Variants in TDRD9 observed in about 807,000 individuals in gnomAD.
The protein encoded by TDRD9 is tudor domain containing 9, also known as ATP-dependent RNA helicase TDRD9.
Under a neutral mutation model 172.6 loss-of-function variants are expected in TDRD9, and 124 were observed. The observed-to-expected ratio is 0.72, with a 90% confidence interval of 0.62 to 0.83. The LOEUF is 0.83. Ranked by LOEUF, TDRD9 falls within the 40% of genes least tolerant of loss-of-function variation. TDRD9 has a pLI of 0.00. For synonymous variants in TDRD9, 619 were observed against 617.1 expected (o/e 1.00, Z -0.05); for missense variants, 1,479 against 1,714.1 (o/e 0.86, Z 2.42).
At position 104,006,767 on chromosome 14, in the gene TDRD9, GT is replaced by G. The variant is rs1165172353; in HGVS notation, c.1944-13del. On this transcript the variant is annotated splice_polypyrimidine_tract_variant and intron_variant, in intron 17 of 35. Coordinates refer to ENST00000409874, the MANE Select transcript of TDRD9 (RefSeq NM_153046.3). ...TATTTTAATGGTATTGAATGACACT[GT>G]TATCTGTTTATAGGAACAAAGTGAA... The G allele has an allele frequency of 1.2e-6, 2 of 1,613,248 alleles. No individual in the cohort carries two copies. The highest frequency in any genetic ancestry group is 2.7e-5 in the African/African-American group (2 of 74,912).
chr14:103,970,901 A>G (rs2032993044), intron 6 of TDRD9, among the ~76,000 whole-genome samples: 1 of 152,256 alleles, frequency 6.6e-6, no homozygotes, highest in African/African-American at 2.4e-5. Flanking sequence ...CTATTTTTTA[A>G]ATTTGTATTT....
Position 103,998,736 on chromosome 14 carries a change from AT to A in TDRD9, c.1483+11del, listed in dbSNP as rs2034147632. The A allele has an allele frequency of 6.9e-7, 1 of 1,440,714 alleles. No individual in the cohort carries two copies. Among genetic ancestry groups the A allele is most frequent in the South Asian group, 1.2e-5 (1 of 86,886 alleles). 89.2% of individuals were successfully genotyped at this position (1,440,714 alleles called of 1,614,324 possible). ...GCTGTAATCAGAGAAAAGGTAAGAC[AT>A]TTGTGTTAAAGCACAATAATGAGTC... is the stretch of plus-strand genomic sequence containing the variant. On this transcript the variant is annotated intron_variant, in intron 13 of 35. Transcript: ENST00000409874.
chr14:103,960,759 C>A (rs78917841), intron 2 of TDRD9, among the ~76,000 whole-genome samples: 3,528 of 152,212 alleles, frequency 0.023, 78 homozygotes, highest in East Asian at 0.071. Context: ...TAGACAGTAC[C>A]GTTAGGACTT....
chr14:103,983,466 C>T (rs978055617), intron 7 of TDRD9, among the ~76,000 whole-genome samples: 7 of 152,096 alleles, frequency 4.6e-5, no homozygotes, highest in African/African-American at 1.4e-4. Flanking sequence ...CTCTGATCAC[C>T]TGAAGACTTC....
At chr14:104,032,122 T>G in intron 30 of TDRD9, 35 bp downstream of exon 30, 1 of 1,327,832 alleles carries the variant, frequency 7.5e-7, no homozygotes, top group Non-Finnish European at 1.0e-6. Flanking sequence ...GAATTTTTTT[T>G]CTCTGCTTTT....
At chr14:103,944,798 C>G (rs1318752389) in intron 1 of TDRD9, among the ~76,000 whole-genome samples, 1 of 152,152 alleles carries the variant, frequency 6.6e-6, no homozygotes, top group Non-Finnish European at 1.5e-5. Flanking sequence ...CTCCTGACTT[C>G]AAGTGATCTG....
chr14:104,048,136 TTTTG>T (rs1475177101), intron 34 of TDRD9, among the ~76,000 whole-genome samples: 2 of 152,216 alleles, frequency 1.3e-5, no homozygotes, highest in African/African-American at 4.8e-5. Context: ...GGTTTTGTGG[TTTTG>T]TTTGTTTCAC....
chr14:104,040,403 T>C (rs2035580179), intron 33 of TDRD9, 69 bp downstream of exon 33: 1 of 1,409,198 alleles, frequency 7.1e-7, no homozygotes, highest in Admixed American at 2.5e-5. Flanking sequence ...TGACAGTGAG[T>C]GCAGGGTCTG....
intron 33 of TDRD9, 135 bp downstream of exon 33, chr14:104,040,469 T>C: frequency 1.0e-6 from 1 of 985,410 alleles, no homozygotes; most frequent in Non-Finnish European, 1.4e-6. Flanking sequence ...TGCACGTTCC[T>C]TGTCCCTCCT....
intron 1 of TDRD9, among the ~76,000 whole-genome samples, chr14:103,952,493 G>C (rs1268274977): frequency 6.7e-6 from 1 of 149,874 alleles, no homozygotes; most frequent in South Asian, 2.1e-4. Context: ...CGCCCACCTC[G>C]GCCTCCCAAA....
At chr14:103,945,379 A>G (rs2031505465) in intron 1 of TDRD9, 1 of 152,180 alleles carries the variant, frequency 6.6e-6, no homozygotes, top group Non-Finnish European at 1.5e-5. Context: ...TTTTTCTAGT[A>G]CTTAGTGTGT....
intron 9 of TDRD9, among the ~76,000 whole-genome samples, chr14:103,992,857 G>A (rs1389341474): frequency 3.4e-5 from 5 of 148,058 alleles, no homozygotes; most frequent in Non-Finnish European, 5.9e-5. Flanking sequence ...CCTGGGAGGC[G>A]GAGCTTGCAG....
chr14:103,998,950 G>A (rs898246375), intron 13 of TDRD9, among the ~76,000 whole-genome samples: 14 of 152,160 alleles, frequency 9.2e-5, no homozygotes, highest in African/African-American at 3.1e-4. Context: ...CTGCCACCAC[G>A]CCTGGCTAAT....
chr14:103,994,267 A>G (rs2033976554), intron 9 of TDRD9, 65 bp from the exon 10 acceptor site: 1 of 1,365,010 alleles, frequency 7.3e-7, no homozygotes, highest in Non-Finnish European at 1.0e-6. Flanking sequence ...TTTTAATTTA[A>G]AGGTTGGTTT....
rs535302692 is a variant in TDRD9 at position 103,993,676 on chromosome 14, T to G, written c.1181-656T>G. Among the ~76,000 whole-genome samples the G allele has an allele frequency of 3.9e-5, 6 of 152,354 alleles. No individual in the cohort carries two copies. The South Asian group carries it at 1.2e-3, about 32-fold the overall frequency. On this transcript the variant is annotated intron_variant, in intron 9 of 35. Coordinates refer to ENST00000409874, the MANE Select transcript of TDRD9 (RefSeq NM_153046.3). ...GTCTCTGTTGTCACATGGCATTCTC[T>G]GTTTGTGCCTCTTCCCTTCTTGTAT...
intron 2 of TDRD9, among the ~76,000 whole-genome samples, chr14:103,960,567 T>C (rs1009024669): frequency 6.6e-6 from 1 of 152,258 alleles, no homozygotes; most frequent in Non-Finnish European, 1.5e-5. Context: ...TTCCTTCTTA[T>C]TCTGTTGCTG....
intron 4 of TDRD9, 65 bp downstream of exon 4, chr14:103,965,619 A>G (rs550695972): frequency 1.4e-6 from 2 of 1,423,162 alleles, no homozygotes; most frequent in East Asian, 2.5e-5. Context: ...AATTTTATTA[A>G]GTTTTTTTCT....
At chr14:104,019,921 C>T (rs958160172) in intron 23 of TDRD9, among the ~76,000 whole-genome samples, 7 of 152,130 alleles carry the variant, frequency 4.6e-5, no homozygotes, top group Non-Finnish European at 7.3e-5. Context: ...CTCGGGTAGA[C>T]GTCGGAGGGT....
intron 2 of TDRD9, among the ~76,000 whole-genome samples, chr14:103,959,201 C>A (rs961367159): frequency 3.9e-5 from 6 of 152,080 alleles, no homozygotes; most frequent in South Asian, 4.1e-4. Flanking sequence ...ACAAACCGGA[C>A]AGGAATTGGT....
Sources: allele counts gnomAD v4.1 joint callset (sites outside exome capture counted in the v4.1 genomes callset), GRCh38; gene constraint gnomAD v4.1.1; transcripts MANE v1.5; gene names NCBI Gene and HGNC (gene_info 2026-07-23, HGNC 2026-07-21).